KCNT2: variants seen among roughly 807,000 people sequenced by gnomAD.
KCNT2 encodes potassium sodium-activated channel subfamily T member 2.
KCNT2 carries 67 observed loss-of-function variants against 153.8 expected under a neutral mutation model. That is an observed-to-expected ratio of 0.44 (90% CI 0.36 to 0.53). The LOEUF (loss-of-function observed/expected upper bound fraction) is 0.53, where lower values mean the gene tolerates loss of function less well. Among genes scored for constraint, KCNT2 ranks in the 20% least tolerant of loss-of-function variants. The probability of loss-of-function intolerance (pLI) is 0.00; values close to 1 mark genes in which losing one functional copy is unlikely to be tolerated. For synonymous variants in KCNT2, 500 were observed against 458.8 expected (o/e 1.09, Z -1.15); for missense variants, 975 against 1,354.8 (o/e 0.72, Z 4.40).
intron 22 of KCNT2, among the ~76,000 whole-genome samples, chr1:196,298,067 T>G (rs1363862365): frequency 6.6e-6 from 1 of 152,206 alleles, no homozygotes; most frequent in African/African-American, 2.4e-5. Context: ...TCCCAGAAGA[T>G]ATCTCCAATC....
chr1:196,578,490 G>A (rs529998991), intron 1 of KCNT2, among the ~76,000 whole-genome samples: 1 of 152,276 alleles, frequency 6.6e-6, no homozygotes, highest in African/African-American at 2.4e-5. Flanking sequence ...ACTGGAGGAT[G>A]AAACAGACTA....
chr1:196,395,132 T>C (rs1307513771), intron 13 of KCNT2, among the ~76,000 whole-genome samples: 1 of 151,532 alleles, frequency 6.6e-6, no homozygotes, highest in Non-Finnish European at 1.5e-5. Flanking sequence ...TTATATATTC[T>C]TTTATAAATA....
intron 14 of KCNT2, among the ~76,000 whole-genome samples, chr1:196,353,599 A>G (rs1050523182): frequency 5.9e-5 from 9 of 151,962 alleles, no homozygotes; most frequent in African/African-American, 1.4e-4. Flanking sequence ...GTGTAAATCA[A>G]TTTGTACAAT....
intron 1 of KCNT2, among the ~76,000 whole-genome samples, chr1:196,515,374 T>C (rs954181694): frequency 2.6e-5 from 4 of 152,344 alleles, no homozygotes; most frequent in African/African-American, 9.6e-5. Flanking sequence ...TGATAAACTG[T>C]GAAGACTATT....
chr1:196,595,073 C>T lies in KCNT2; in HGVS notation c.95+13142G>A, dbSNP rs564224307. On this transcript the variant is annotated intron_variant, in intron 1 of 27. Transcript: ENST00000294725. ...ATTATTGGAGATAGGGTGCATAAAA[C>T]AGACCTGGAATAATGAGCTATGCTG... Among the ~76,000 whole-genome samples, 9 of 151,900 alleles carry T rather than the reference C, an allele frequency of 5.9e-5. No individual in the cohort carries two copies. The South Asian group carries it at 8.3e-4, about 14-fold the overall frequency.
chr1:196,336,361 C>T (rs1665033759), intron 16 of KCNT2, among the ~76,000 whole-genome samples: 1 of 152,092 alleles, frequency 6.6e-6, no homozygotes, highest in Non-Finnish European at 1.5e-5. Flanking sequence ...CCAGCTCTTT[C>T]CCTCTTGATT....
intron 22 of KCNT2, among the ~76,000 whole-genome samples, chr1:196,303,792 A>G (rs975264862): frequency 2.6e-5 from 4 of 152,138 alleles, no homozygotes; most frequent in Non-Finnish European, 5.9e-5. Context: ...CAATCTGACT[A>G]CAGATCCTGG....
chr1:196,243,585 T>C (rs1655156123), intron 26 of KCNT2, among the ~76,000 whole-genome samples: 1 of 152,142 alleles, frequency 6.6e-6, no homozygotes, highest in Non-Finnish European at 1.5e-5. Context: ...AATGCTGCCC[T>C]GGAACAGTGG....
chr1:196,508,189 C>CAAAAAAAAAAAAAAAAAAAAAAAG (rs1681305658), intron 1 of KCNT2, among the ~76,000 whole-genome samples: 62 of 59,982 alleles, frequency 1.0e-3, no homozygotes, highest in Non-Finnish European at 1.3e-3. Context: ...CCCTAAGTAG[C>CAAAAAAAAAAAAAAAAAAAAAAAG]AAAAAAAAAA....
At chr1:196,605,623 T>C (rs1446493581) in intron 1 of KCNT2, among the ~76,000 whole-genome samples, 1 of 152,134 alleles carries the variant, frequency 6.6e-6, no homozygotes, top group Admixed American at 6.5e-5. Context: ...TACTCCTACA[T>C]GAAAGAGGGC....
At chr1:196,456,198 C>T (rs904023561) in intron 8 of KCNT2, among the ~76,000 whole-genome samples, 10 of 152,078 alleles carry the variant, frequency 6.6e-5, no homozygotes, top group Admixed American at 5.2e-4. Flanking sequence ...AGCAGACTTC[C>T]TCCGGGAGTC....
intron 1 of KCNT2, among the ~76,000 whole-genome samples, 191 bp downstream of exon 1, chr1:196,608,024 C>T (rs1665513142): frequency 6.6e-6 from 1 of 152,114 alleles, no homozygotes; most frequent in Non-Finnish European, 1.5e-5. Context: ...AAAAGAGTTC[C>T]TTATCTATAG....
chr1:196,398,600 T>G lies in KCNT2; in HGVS notation c.1257A>C (p.Ile419=). The change falls in exon 13 of 28, where the codon ATA becomes ATC. Residue 419 remains isoleucine (I), a synonymous_variant. Coordinates refer to ENST00000294725, the MANE Select transcript of KCNT2 (RefSeq NM_198503.5). The part of the protein sequence containing the change: ...FAPNCPLYVQ[I]LKPENKFHIK... ...TGTGAAATTTATTTTCAGGCTTTAA[T>G]ATCTGGACATACAAAGGACAATTTG... 1.2e-6 allele frequency: 2 copies of G among 1,606,308 alleles called. No individual in the cohort carries two copies. Among genetic ancestry groups the G allele is most frequent in the Non-Finnish European group, 1.7e-6 (2 of 1,174,766 alleles).
chr1:196,528,993 CT>C (rs150087690), intron 1 of KCNT2, among the ~76,000 whole-genome samples: 8,353 of 152,070 alleles, frequency 0.055, 759 homozygotes, highest in African/African-American at 0.19. Context: ...GACTGAATAA[CT>C]TTTTAGAAAA....
chr1:196,490,450 C>T lies in KCNT2; in HGVS notation c.176-513G>A, dbSNP rs1449286604. Among the ~76,000 whole-genome samples the T allele has an allele frequency of 3.4e-5, 5 of 146,576 alleles. No homozygotes were observed. The East Asian group carries it at 9.8e-4, about 29-fold the overall frequency. ...TTAACTATATAATTATAATACATTC[C>T]AATTATATAATTATATATATTATTT... On this transcript the variant is annotated intron_variant, in intron 2 of 27. Transcript: ENST00000294725.
At chr1:196,321,887 T>C (rs1663354334) in intron 19 of KCNT2, among the ~76,000 whole-genome samples, 1 of 152,008 alleles carries the variant, frequency 6.6e-6, no homozygotes, top group South Asian at 2.1e-4. Context: ...ACAGTGTTCA[T>C]GGCACCGACC....
intron 12 of KCNT2, among the ~76,000 whole-genome samples, chr1:196,416,812 A>G (rs767943057): frequency 2.6e-5 from 4 of 152,058 alleles, no homozygotes; most frequent in Non-Finnish European, 4.4e-5. Context: ...TAAATGTACA[A>G]TTGAGTTATT....
intron 27 of KCNT2, among the ~76,000 whole-genome samples, chr1:196,229,305 G>GT (rs1260440192): frequency 2.6e-5 from 4 of 151,918 alleles, no homozygotes; most frequent in African/African-American, 4.8e-5. Context: ...ATAGTGATCT[G>GT]TGATCAGTAA....
At chr1:196,487,429 T>TGTGTGTGTGTGTGC (rs1679517179) in intron 3 of KCNT2, among the ~76,000 whole-genome samples, 1 of 151,616 alleles carries the variant, frequency 6.6e-6, no homozygotes, top group South Asian at 2.1e-4. Flanking sequence ...TGTGTGTGTG[T>TGTGTGTGTGTGTGC]GTGTGTATGT....
Sources: allele counts gnomAD v4.1 joint callset (sites outside exome capture counted in the v4.1 genomes callset), GRCh38; gene constraint gnomAD v4.1.1; transcripts MANE v1.5; gene names NCBI Gene and HGNC (gene_info 2026-07-23, HGNC 2026-07-21).